Variants in AIG1 observed in about 807,000 individuals in gnomAD.
AIG1 encodes the protein androgen-induced gene 1 protein.
A neutral mutation model predicts 31.4 loss-of-function variants in AIG1; 23 were observed. The ratio of observed to expected loss-of-function variants is 0.73; its 90% CI spans 0.53 to 1.04. The LOEUF is 1.04. Ranked by LOEUF, AIG1 falls within the 50% of genes least tolerant of loss-of-function variation. The probability of loss-of-function intolerance (pLI) is 0.00; values close to 1 mark genes in which losing one functional copy is unlikely to be tolerated. For missense variants in AIG1, 274 were observed against 295.0 expected (o/e 0.93, Z 0.52); for synonymous variants, 100 against 110.5 (o/e 0.90, Z 0.60).
chr6:143,271,603 T>C (rs1371589385), intron 3 of AIG1, among the ~76,000 whole-genome samples: 1 of 152,232 alleles, frequency 6.6e-6, no homozygotes, highest in East Asian at 1.9e-4. Flanking sequence ...GAAGCATCTT[T>C]AGTACCATTG....
At position 143,293,318 on chromosome 6, in the gene AIG1, A is replaced by G. The variant is rs1798184530; in HGVS notation, c.515+9093A>G. The stretch of plus-strand genomic sequence containing the variant: ...CTTCATAACCTATTGAGAAAGTTAA[A>G]GAGTTTTCTGAAATTTTCTTATGGT... On this transcript the variant is annotated intron_variant, in intron 4 of 5. Coordinates refer to ENST00000357847, the MANE Select transcript of AIG1 (RefSeq NM_016108.4). The surrounding 1 kb of genome is among the most constrained non-coding windows in gnomAD (Gnocchi z 4.8). Among the ~76,000 whole-genome samples, 1 of 152,222 alleles carries G rather than the reference A, an allele frequency of 6.6e-6. No homozygotes were observed. The highest frequency in any genetic ancestry group is 1.5e-5 in the Non-Finnish European group (1 of 68,042).
intron 4 of AIG1, among the ~76,000 whole-genome samples, chr6:143,289,564 G>A (rs986633323): frequency 6.6e-6 from 1 of 152,052 alleles, no homozygotes; most frequent in African/African-American, 2.4e-5. Context: ...AATGAAGTAT[G>A]TTCATTCTTT....
At chr6:143,115,773 G>A (rs1011426186) in intron 1 of AIG1, among the ~76,000 whole-genome samples, 1 of 152,206 alleles carries the variant, frequency 6.6e-6, no homozygotes, top group Admixed American at 6.5e-5. Context: ...CATTTTTGCT[G>A]CAGAGCCAGC....
chr6:143,074,274 C>T (rs1777546088), intron 1 of AIG1, among the ~76,000 whole-genome samples: 1 of 152,118 alleles, frequency 6.6e-6, no homozygotes, highest in Non-Finnish European at 1.5e-5. Context: ...GATTTGTGGC[C>T]TGAGCTTTTG....
chr6:143,126,634 A>G (rs1782708114), intron 1 of AIG1, among the ~76,000 whole-genome samples: 1 of 152,156 alleles, frequency 6.6e-6, no homozygotes, highest in Non-Finnish European at 1.5e-5. Context: ...GAACATGGAT[A>G]CTGCCTAGGT....
chr6:143,134,376 CAG>C (rs1277973714), intron 1 of AIG1, among the ~76,000 whole-genome samples: 4 of 142,892 alleles, frequency 2.8e-5, no homozygotes, highest in Non-Finnish European at 6.1e-5. Flanking sequence ...TTTTAATTGT[CAG>C]AATTCTTTCC....
At chr6:143,306,880 C>A (rs1272037808) in intron 4 of AIG1, among the ~76,000 whole-genome samples, 2 of 152,216 alleles carry the variant, frequency 1.3e-5, no homozygotes, top group African/African-American at 4.8e-5. Flanking sequence ...TCCCATATTT[C>A]TTGGAGGCTT....
intron 4 of AIG1, among the ~76,000 whole-genome samples, chr6:143,313,197 C>T (rs1161406653): frequency 1.3e-5 from 2 of 152,100 alleles, no homozygotes; most frequent in Admixed American, 1.3e-4. Context: ...AGGAATCCCA[C>T]TGCTAGGGAC....
intron 3 of AIG1, chr6:143,189,186 G>C (rs1040475886): frequency 7.2e-6 from 3 of 417,366 alleles, no homozygotes; most frequent in Non-Finnish European, 9.7e-6. Flanking sequence ...TGGGACCACA[G>C]ATGTGGACCA....
chr6:143,187,379 A>C (rs1345842857), intron 3 of AIG1: 2 of 1,531,942 alleles, frequency 1.3e-6, no homozygotes, highest in Non-Finnish European at 1.7e-6. Context: ...TTATTTGTTT[A>C]ATTTGCAGCT....
At chr6:143,189,164 C>T (rs986381513) in intron 3 of AIG1, 17 of 505,590 alleles carry the variant, frequency 3.4e-5, no homozygotes, top group Non-Finnish European at 4.3e-5. Context: ...CTGCCTCAGC[C>T]CCCCAAGTAG....
At chr6:143,281,643 C>T (rs1030169762) in intron 3 of AIG1, among the ~76,000 whole-genome samples, 1 of 152,168 alleles carries the variant, frequency 6.6e-6, no homozygotes, top group Non-Finnish European at 1.5e-5. Flanking sequence ...CTTTAGTTAT[C>T]TGTAAGGCAA....
chr6:143,100,983 C>G (rs1192050973), intron 1 of AIG1, among the ~76,000 whole-genome samples: 1 of 152,064 alleles, frequency 6.6e-6, no homozygotes, highest in Non-Finnish European at 1.5e-5. Flanking sequence ...CCGTGCCCAG[C>G]CTATTCTCTT....
chr6:143,282,278 G>A (rs921223145), intron 3 of AIG1, among the ~76,000 whole-genome samples: 1 of 152,000 alleles, frequency 6.6e-6, no homozygotes, highest in African/African-American at 2.4e-5. Flanking sequence ...AGGCCCTCAG[G>A]GTCAGCATTA....
intron 4 of AIG1, among the ~76,000 whole-genome samples, chr6:143,304,134 A>G (rs986723759): frequency 2.6e-5 from 4 of 152,034 alleles, no homozygotes; most frequent in Admixed American, 2.6e-4. Flanking sequence ...GGCTGAGACA[A>G]TGGGGTTTTC....
At chr6:143,296,569 G>A (rs1798440418) in intron 4 of AIG1, among the ~76,000 whole-genome samples, 1 of 152,026 alleles carries the variant, frequency 6.6e-6, no homozygotes, top group Admixed American at 6.5e-5. Flanking sequence ...GAGGAAACCA[G>A]TCCCCAGGCA....
In AIG1 at chr6:143,280,196, C is replaced by T. The variant is rs1797248180; in HGVS notation, c.400-3914C>T. On this transcript the variant is annotated intron_variant, in intron 3 of 5. Transcript: ENST00000357847. The surrounding 1 kb of genome is among the most constrained non-coding windows in gnomAD (Gnocchi z 4.1). ...CAGCCATCTGTAACTGTCATCATAC[C>T]ACTAGAAAGCTCTGACTTTCAAAAA... Among the ~76,000 whole-genome samples, 1 of 152,140 alleles carries T rather than the reference C, an allele frequency of 6.6e-6. No individual in the cohort carries two copies. Among genetic ancestry groups the T allele is most frequent in the Admixed American group, 6.5e-5 (1 of 15,270 alleles).
chr6:143,177,147 C>T (rs2211657), intron 3 of AIG1, among the ~76,000 whole-genome samples: 37,312 of 152,102 alleles, frequency 0.25, 5,561 homozygotes, highest in East Asian at 0.76. Context: ...ATTTCTGTTT[C>T]GTTCTTTTTA....
chr6:143,239,972 G>A (rs1794119497), intron 3 of AIG1, among the ~76,000 whole-genome samples: 1 of 152,178 alleles, frequency 6.6e-6, no homozygotes, highest in African/African-American at 2.4e-5. Context: ...AGAGGTTCCA[G>A]GTAGAATTTC....
Sources: gnomAD v4.1 joint callset for allele counts (sites outside exome capture counted in the v4.1 genomes callset) on GRCh38, gnomAD v4.1.1 for gene constraint, Gnocchi (gnomAD v3.1) non-coding constraint, MANE v1.5 for transcripts, NCBI Gene and HGNC (gene_info 2026-07-23, HGNC 2026-07-21) for gene names.